NEB: variants seen among roughly 807,000 people sequenced by gnomAD.
NEB encodes the protein nebulin.
In NEB, 512 loss-of-function variants were observed where a neutral mutation model predicts 952.2. The observed-to-expected ratio is 0.54, with a 90% CI of 0.50 to 0.58. The LOEUF (loss-of-function observed/expected upper bound fraction) is 0.58, where lower values mean the gene tolerates loss of function less well. Ranked by LOEUF, NEB falls within the 20% of genes least tolerant of loss-of-function variation. The pLI, the probability that NEB is intolerant of heterozygous loss-of-function variation, is 0.00. For missense variants in NEB, 8,428 were observed against 9,231.1 expected, an observed-to-expected ratio of 0.91 and a Z score of 3.56; for synonymous variants, 2,900 against 3,149.8, an observed-to-expected ratio of 0.92 and a Z score of 2.66.
At chr2:151,650,908 T>C in intron 52 of NEB, 23 bp from the exon 53 acceptor site, 1 of 1,582,102 alleles carries the variant, frequency 6.3e-7, no homozygotes, top group Non-Finnish European at 8.6e-7. Context: ...AAAACACAGC[T>C]CTTTTAGTAC....
chr2:151,657,894 T>A, intron 48 of NEB, 89 bp downstream of exon 48: 1 of 868,498 alleles, frequency 1.2e-6, no homozygotes. Flanking sequence ...TTTTTCATAT[T>A]GTGTCCACTC....
At position 151,552,781 on chromosome 2, in the gene NEB, C is replaced by T. The variant is rs779841022; in HGVS notation, c.19732-5G>A. ...CATGTGAGCTTTATACTTGATCTGC[C>T]GAGAGGAAGAAAACAAGCCCATGTT... On this transcript the variant is annotated splice_region_variant and splice_polypyrimidine_tract_variant and intron_variant, in intron 127 of 181. Coordinates refer to ENST00000397345, the MANE Select transcript of NEB (RefSeq NM_001164508.2). The T allele has an allele frequency of 1.2e-5, 19 of 1,605,052 alleles. No individual in the cohort carries two copies. Among genetic ancestry groups the T allele is most frequent in the South Asian group, 5.6e-5 (5 of 89,994 alleles).
chr2:151,702,297 A>G lies in NEB; in HGVS notation c.1152+4584T>C, dbSNP rs946630771. On this transcript the variant is annotated intron_variant, in intron 13 of 181. Transcript: ENST00000397345. ...AGCTTTACTTCCAAGTATGTGGTCA[A>G]TTTTGGAATAGGTGTGGTGTGGTGC... Among the ~76,000 whole-genome samples, 25 of 151,984 alleles carry G rather than the reference A, an allele frequency of 1.6e-4. 1 individual carries two copies. The highest frequency in any genetic ancestry group is 5.8e-4 in the African/African-American group (24 of 41,330).
intron 25 of NEB, 80 bp downstream of exon 25, chr2:151,688,212 C>T: frequency 8.5e-7 from 1 of 1,182,822 alleles, no homozygotes; most frequent in South Asian, 1.5e-5. Flanking sequence ...TGCACAATTC[C>T]TTGTCTTGTC....
chr2:151,518,848 A>T (rs2079911511), intron 155 of NEB, 117 bp downstream of exon 155: 2 of 671,440 alleles, frequency 3.0e-6, no homozygotes, highest in Non-Finnish European at 5.3e-6. Context: ...AAATGAGAAC[A>T]GTTTTGTAAT....
At chr2:151,488,750 A>G (rs552844692) in intron 181 of NEB, among the ~76,000 whole-genome samples, 12 of 152,302 alleles carry the variant, frequency 7.9e-5, no homozygotes, top group Middle Eastern at 3.4e-3. Context: ...TGAGATGGGT[A>G]TCTAATTTTA....
chr2:151,725,521 G>C lies in NEB; in HGVS notation c.334C>G (p.Pro112Ala). ...GGAGTATCTGTTGTGCTGGCGTATG[G>C]CTGTCCTTTTGTTTTCTCAAACTTC... ...KEKFEKTKGQ[P>A]YASTTDTPEL... Residue 112 changes from proline to alanine, a missense_variant, in exon 6 of 182, where the codon CCA becomes GCA. Pro to Ala is a conservative substitution (Grantham distance 27). Coordinates refer to ENST00000397345, the MANE Select transcript of NEB (RefSeq NM_001164508.2). The C allele has an allele frequency of 6.2e-7, 1 of 1,613,384 alleles. No individual in the cohort carries two copies.
chr2:151,554,850 G>C lies in NEB; in HGVS notation c.19428+81C>G. ...TGTGGAAGTGCACTCTATGATGTTAGCACAACAATGAAATCACATAACGAG... is the reference window on the plus strand; with the variant it reads ...TGTGGAAGTGCACTCTATGATGTTACCACAACAATGAAATCACATAACGAG... On this transcript the variant is annotated intron_variant, in intron 125 of 181. Transcript: ENST00000397345. 5 of 1,042,372 alleles carry C rather than the reference G, an allele frequency of 4.8e-6. No individual in the cohort carries two copies. The South Asian group carries it at 6.3e-5, about 13-fold the overall frequency. The allele number at this position is 1,042,372 out of a possible 1,614,324, so 64.6% of individuals were successfully genotyped here.
intron 74 of NEB, 93 bp from the exon 75 acceptor site, chr2:151,617,561 C>G (rs2098245280): frequency 1.4e-6 from 1 of 708,310 alleles, no homozygotes; most frequent in Non-Finnish European, 2.2e-6. Flanking sequence ...AGTCATCTCT[C>G]TTGTATACAA....
Position 151,512,824 on chromosome 2 carries a change from T to G in NEB, c.23255A>C (p.Gln7752Pro). The change falls in exon 161 of 182, where the codon CAA becomes CCA. Residue 7752 changes from glutamine to proline, a missense_variant. By Grantham distance (76) the Gln-to-Pro change is moderately conservative. Around this residue, in one of 11 missense-constraint regions of NEB, gnomAD observed 3,374 missense variants for 3,651.5 expected, o/e 0.92. Transcript: ENST00000397345. ...TDIASQIKYKQSAEMEKANFT... is the reference protein window; with the variant it reads ...TDIASQIKYKPSAEMEKANFT... ...ATTGGCTTTCTCCATTTCTGCTGATTGCTTATACTTAATCTGTAAAACAAC... is the reference window on the plus strand; with the variant it reads ...ATTGGCTTTCTCCATTTCTGCTGATGGCTTATACTTAATCTGTAAAACAAC... The G allele has an allele frequency of 6.2e-7, 1 of 1,610,526 alleles. No individual in the cohort carries two copies. The highest frequency in any genetic ancestry group is 2.2e-5 in the East Asian group (1 of 44,828).
Position 151,710,546 on chromosome 2 carries a change from A to G in NEB, c.823-8T>C. 6.6e-7 allele frequency: 1 copy of G among 1,525,442 alleles called. No homozygotes were observed. Among genetic ancestry groups the G allele is most frequent in the East Asian group, 2.3e-5 (1 of 44,206 alleles). The allele number at this position is 1,525,442 out of a possible 1,614,324, so 94.5% of individuals were successfully genotyped here. Reference sequence around the variant, plus strand: ...GTCTTCTTTGTATTTTTGCTAGAAAAAAGAAAAAGAAAATAAGACAAGCAT... The same window carrying G: ...GTCTTCTTTGTATTTTTGCTAGAAAGAAGAAAAAGAAAATAAGACAAGCAT... On this transcript the variant is annotated splice_region_variant and splice_polypyrimidine_tract_variant and intron_variant, in intron 10 of 181. Transcript: ENST00000397345.
At position 151,514,310 on chromosome 2, in the gene NEB, G is replaced by A; in HGVS notation, c.23127+8C>T. On this transcript the variant is annotated splice_region_variant and intron_variant, in intron 159 of 181. Coordinates refer to ENST00000397345, the MANE Select transcript of NEB (RefSeq NM_001164508.2). Reference sequence around the variant, plus strand: ...GAATTACGTGCAGGCAGTCAGCTGTGGGCCTACCTCATTGAGGATTTGAGT... The same window carrying A: ...GAATTACGTGCAGGCAGTCAGCTGTAGGCCTACCTCATTGAGGATTTGAGT... 3 of 1,579,286 alleles carry A rather than the reference G, an allele frequency of 1.9e-6. No homozygotes were observed. Among genetic ancestry groups the A allele is most frequent in the South Asian group, 2.2e-5 (2 of 90,260 alleles).
chr2:151,497,313 C>T, intron 171 of NEB: 1 of 977,308 alleles, frequency 1.0e-6, no homozygotes, highest in Non-Finnish European at 1.2e-6. Context: ...GAGTACCATG[C>T]CTCCTAAACA....
Position 151,493,761 on chromosome 2 carries a change from C to G in NEB, c.24672+14G>C, listed in dbSNP as rs1010488580. 6.6e-6 allele frequency: 10 copies of G among 1,513,076 alleles called. No homozygotes were observed. Among genetic ancestry groups the G allele is most frequent in the Non-Finnish European group, 8.1e-6 (9 of 1,108,538 alleles). The allele number at this position is 1,513,076 out of a possible 1,614,324, so 93.7% of individuals were successfully genotyped here. A position where few individuals can be genotyped will look rare whatever the true frequency, so the allele number is the denominator to read the frequency against. Reference sequence around the variant, plus strand: ...GTTAAGATTTTAAGGATTTATTTTTCCTTTCTAAAATACCGAGCTAAAGTT... The same window carrying G: ...GTTAAGATTTTAAGGATTTATTTTTGCTTTCTAAAATACCGAGCTAAAGTT... On this transcript the variant is annotated intron_variant, in intron 175 of 181. Coordinates refer to ENST00000397345, the MANE Select transcript of NEB (RefSeq NM_001164508.2).
rs766520487 is a variant in NEB at position 151,531,817 on chromosome 2, G to A, written c.21497C>T (p.Thr7166Ile). 8 of 1,612,570 alleles carry A rather than the reference G, an allele frequency of 5.0e-6. No homozygotes were observed. Among genetic ancestry groups the A allele is most frequent in the Non-Finnish European group, 6.8e-6 (8 of 1,179,056 alleles). Reference sequence around the variant, plus strand: ...ATCGCTGATTTGTTTGTTGACTTTTGTAGTACGCAGGTGTTCTGGAGTATC... The same window carrying A: ...ATCGCTGATTTGTTTGTTGACTTTTATAGTACGCAGGTGTTCTGGAGTATC... ...IVDTPEHLRT[T>I]KVNKQISDIL... The change falls in exon 144 of 182, where the codon ACA becomes ATA. Residue 7166 changes from threonine (T) to isoleucine (I), a missense_variant. Physicochemically the swap from Thr to Ile is moderately conservative, Grantham distance 89. Around this residue, in one of 11 missense-constraint regions of NEB, gnomAD observed 3,374 missense variants for 3,651.5 expected, o/e 0.92. Transcript: ENST00000397345.
At chr2:151,576,518 T>A (rs374382175) in intron 105 of NEB, among the ~76,000 whole-genome samples, 164 bp from the exon 106 acceptor site, 86 of 18,096 alleles carry the variant, frequency 4.8e-3, no homozygotes, top group East Asian at 0.013. Context: ...ATATATATAT[T>A]TTTTTTTTTT....
At chr2:151,692,422 A>G in intron 20 of NEB, 60 bp from the exon 21 acceptor site, 1 of 1,307,198 alleles carries the variant, frequency 7.6e-7, no homozygotes. Flanking sequence ...ATAAAGTAAA[A>G]GTCATTCATG....
chr2:151,573,206 G>A (rs1454182264), intron 107 of NEB, among the ~76,000 whole-genome samples: 3 of 152,144 alleles, frequency 2.0e-5, no homozygotes, highest in Admixed American at 2.0e-4. Flanking sequence ...GCATTCAAAT[G>A]GGGTGTTTGA....
chr2:151,634,270 G>C (rs1001158255), intron 64 of NEB, among the ~76,000 whole-genome samples: 1 of 152,176 alleles, frequency 6.6e-6, no homozygotes, highest in Non-Finnish European at 1.5e-5. Context: ...ATTTGAACCA[G>C]GGAACCTGTA....
Sources: gnomAD v4.1 joint callset for allele counts (sites outside exome capture counted in the v4.1 genomes callset) on GRCh38, gnomAD v4.1.1 for gene constraint, gnomAD v4.1.1 regional missense constraint, MANE v1.5 for transcripts, NCBI Gene and HGNC (gene_info 2026-07-23, HGNC 2026-07-21) for gene names.